ITGA1: variants seen among roughly 807,000 people sequenced by gnomAD.
ITGA1 encodes integrin subunit alpha 1.
Under a neutral mutation model 145.9 loss-of-function variants are expected in ITGA1, and 85 were observed. That is an observed-to-expected ratio of 0.58 (90% CI 0.49 to 0.70). The LOEUF is 0.70. Among genes scored for constraint, ITGA1 ranks in the 30% least tolerant of loss-of-function variants. The pLI, the probability that ITGA1 is intolerant of heterozygous loss-of-function variation, is 0.00. For synonymous variants in ITGA1, 520 were observed against 495.3 expected, an observed-to-expected ratio of 1.05 and a Z score of -0.66; for missense variants, 1,351 against 1,418.7, an observed-to-expected ratio of 0.95 and a Z score of 0.77.
At chr5:52,886,449 G>A (rs977566803) in intron 7 of ITGA1, among the ~76,000 whole-genome samples, 1 of 152,150 alleles carries the variant, frequency 6.6e-6, no homozygotes, top group Non-Finnish European at 1.5e-5. Flanking sequence ...TAAGACAGGC[G>A]TTTCCTTGGC....
intron 9 of ITGA1, among the ~76,000 whole-genome samples, chr5:52,896,670 A>G (rs1055287494): frequency 6.6e-6 from 1 of 152,304 alleles, no homozygotes; most frequent in African/African-American, 2.4e-5. Flanking sequence ...AAGCAAATAA[A>G]TCAACATTCC....
At chr5:52,913,201 T>A (rs1750594878) in intron 14 of ITGA1, among the ~76,000 whole-genome samples, 1 of 152,172 alleles carries the variant, frequency 6.6e-6, no homozygotes, top group South Asian at 2.1e-4. Context: ...ATTTAGTGTG[T>A]CCCGTTCTAA....
At position 52,939,658 on chromosome 5, in the gene ITGA1, A is replaced by G. The variant is rs1751023777; in HGVS notation, c.3147A>G (p.Thr1049=). Residue 1049 remains threonine (T), a synonymous_variant, in exon 25 of 29, where the codon ACA becomes ACG. Transcript: ENST00000282588. ...TCAACTCTGGAAAGAAAATGACTAC[A>G]TCAACTGACCATCTCAAACGAGGCA... The part of the protein sequence containing the change: ...FSINSGKKMT[T]STDHLKRGTI... 2 of 1,613,426 alleles carry G rather than the reference A, an allele frequency of 1.2e-6. No individual in the cohort carries two copies. Among genetic ancestry groups the G allele is most frequent in the African/African-American group, 1.3e-5 (1 of 74,922 alleles).
chr5:52,939,642 G>GA lies in ITGA1; in HGVS notation c.3134dup (p.Lys1046GlufsTer7). Reference sequence around the variant, plus strand: ...GAGGATCCTTTCAGTATCAACTCTGGAAAGAAAATGACTACATCAACTGAC... The same window carrying GA: ...GAGGATCCTTTCAGTATCAACTCTGGAAAAGAAAATGACTACATCAACTGAC... On this transcript the variant is annotated frameshift_variant, in exon 25 of 29. Transcript: ENST00000282588. LOFTEE classifies it high-confidence loss of function. 6.2e-7 allele frequency: 1 copy of GA among 1,613,672 alleles called. No individual in the cohort carries two copies. Among genetic ancestry groups the GA allele is most frequent in the Non-Finnish European group, 8.5e-7 (1 of 1,179,684 alleles).
Position 52,939,886 on chromosome 5 carries a change from C to A in ITGA1, c.3227C>A (p.Ser1076Tyr), listed in dbSNP as rs1751028164. The A allele has an allele frequency of 2.4e-5, 38 of 1,613,716 alleles. No individual in the cohort carries two copies. Among genetic ancestry groups the A allele is most frequent in the Non-Finnish European group, 3.1e-5 (36 of 1,179,624 alleles). The change falls in exon 26 of 29, where the codon TCT (serine) becomes TAT (tyrosine). Residue 1076 changes from serine (S) to tyrosine (Y), a missense_variant. Physicochemically the swap from Ser to Tyr is moderately radical, Grantham distance 144. Transcript: ENST00000282588. ...GCTACCATCACATGTAATCTCACTT[C>A]TTCTGACATCAGCCAAGTCAATGTT... ...KFATITCNLT[S>Y]SDISQVNVSL...
At chr5:52,937,780 A>C (rs1333515977) in intron 24 of ITGA1, among the ~76,000 whole-genome samples, 1 of 152,196 alleles carries the variant, frequency 6.6e-6, no homozygotes, top group East Asian at 1.9e-4. Flanking sequence ...AGGTGTTGAC[A>C]GTGTTAATTC....
At chr5:52,933,863 G>A (rs777576080) in intron 22 of ITGA1, 31 bp from the exon 23 acceptor site, 5 of 1,116,350 alleles carry the variant, frequency 4.5e-6, no homozygotes, top group South Asian at 1.8e-5. Context: ...ACTTTGTTAT[G>A]TTTTATTTTT....
chr5:52,801,206 A>G, intron 1 of ITGA1: 1 of 1,334,488 alleles, frequency 7.5e-7, no homozygotes, highest in Non-Finnish European at 1.0e-6. Flanking sequence ...TGGGAAAAAT[A>G]AGAAGAGAAA....
intron 1 of ITGA1, among the ~76,000 whole-genome samples, chr5:52,846,339 G>T (rs143248529): frequency 5.0e-4 from 76 of 152,188 alleles, no homozygotes; most frequent in African/African-American, 1.6e-3. Context: ...GGAGACAGAG[G>T]TTGCAGTGAA....
intron 1 of ITGA1, among the ~76,000 whole-genome samples, chr5:52,825,915 CAAAGAAA>C (rs1748953483): frequency 1.1e-5 from 1 of 91,270 alleles, no homozygotes; most frequent in South Asian, 4.4e-4. Flanking sequence ...GAGACTCTGT[CAAAGAAA>C]AAAAAAAAAA....
In ITGA1 at chr5:52,910,205, C is replaced by T. The variant is rs778366327; in HGVS notation, c.1643C>T (p.Thr548Met). ...ATGAGCCTGGAACCTATTAAGCAGA[C>T]GTGCTGTTCATCTCGGCAGCACAAT... Reference protein sequence around the residue: ...YQMSLEPIKQTCCSSRQHNSC... With the variant: ...YQMSLEPIKQMCCSSRQHNSC... The change falls in exon 14 of 29, where the codon ACG becomes ATG. Residue 548 changes from threonine to methionine, a missense_variant. By Grantham distance (81) the Thr-to-Met change is moderately conservative. Coordinates refer to ENST00000282588, the MANE Select transcript of ITGA1 (RefSeq NM_181501.2). The T allele has an allele frequency of 5.8e-5, 94 of 1,613,350 alleles. No homozygotes were observed. Among genetic ancestry groups the T allele is most frequent in the Middle Eastern group, 1.6e-4 (1 of 6,078 alleles).
chr5:52,832,214 C>A (rs756152821), intron 1 of ITGA1, among the ~76,000 whole-genome samples: 5 of 152,086 alleles, frequency 3.3e-5, no homozygotes, highest in Admixed American at 6.6e-5. Context: ...AAGACAAGAG[C>A]CTACTCCAGG....
chr5:52,788,999 T>C (rs1748185735), intron 1 of ITGA1, among the ~76,000 whole-genome samples: 1 of 152,214 alleles, frequency 6.6e-6, no homozygotes, highest in Non-Finnish European at 1.5e-5. Context: ...AAAGGAATGG[T>C]GAACATTTTC....
rs1364612253 is a variant in ITGA1, at chr5:52,939,847, A to G, written c.3188A>G (p.Asn1063Ser). ...CTCTGGACATTTAAACAGGACTGCA[A>G]TACATGTAAATTTGCTACCATCACA... Reference protein sequence around the residue: ...HLKRGTILDCNTCKFATITCN... With the variant: ...HLKRGTILDCSTCKFATITCN... Residue 1063 changes from asparagine to serine, a missense_variant, in exon 26 of 29, where the codon AAT becomes AGT. Transcript: ENST00000282588. 5 of 1,598,904 alleles carry G rather than the reference A, an allele frequency of 3.1e-6. No homozygotes were observed. The highest frequency in any genetic ancestry group is 2.2e-5 in the South Asian group (2 of 90,786).
chr5:52,911,670 G>T (rs1750541883), intron 14 of ITGA1, among the ~76,000 whole-genome samples: 2 of 128,742 alleles, frequency 1.6e-5, no homozygotes, highest in Non-Finnish European at 3.2e-5. Flanking sequence ...TATACATATA[G>T]TGTATCTACT....
chr5:52,838,463 A>AAT (rs1323504715), intron 1 of ITGA1, among the ~76,000 whole-genome samples: 1 of 152,130 alleles, frequency 6.6e-6, no homozygotes, highest in African/African-American at 2.4e-5. Context: ...CTTCATGAAG[A>AAT]CCTTAATTTA....
At chr5:52,849,312 A>C in intron 1 of ITGA1, 53 bp from the exon 2 acceptor site, 3 of 1,507,644 alleles carry the variant, frequency 2.0e-6, no homozygotes, top group Non-Finnish European at 2.7e-6. Flanking sequence ...AACTCAAAAC[A>C]TGATGGACTC....
At chr5:52,844,902 T>C (rs1162508313) in intron 1 of ITGA1, among the ~76,000 whole-genome samples, 1 of 152,200 alleles carries the variant, frequency 6.6e-6, no homozygotes. Flanking sequence ...CTAAAAGTTA[T>C]GAAAAGCTGC....
chr5:52,922,471 T>C (rs1301692799), intron 17 of ITGA1, among the ~76,000 whole-genome samples: 3 of 152,200 alleles, frequency 2.0e-5, no homozygotes, highest in African/African-American at 7.2e-5. Context: ...AACTATATTG[T>C]GATGCAGGTA....
Sources: gnomAD v4.1 joint callset for allele counts (sites outside exome capture counted in the v4.1 genomes callset) on GRCh38, gnomAD v4.1.1 for gene constraint, MANE v1.5 for transcripts, NCBI Gene and HGNC (gene_info 2026-07-23, HGNC 2026-07-21) for gene names.